SNX14: variants seen among roughly 807,000 people sequenced by gnomAD.
SNX14 encodes sorting nexin-14.
A neutral mutation model predicts 133.8 loss-of-function variants in SNX14; 93 were observed. The observed-to-expected ratio is 0.70, with a 90% confidence interval of 0.59 to 0.83. The LOEUF is 0.83. Among genes scored for constraint, SNX14 ranks in the 40% least tolerant of loss-of-function variants. The probability of loss-of-function intolerance (pLI) is 0.00; values close to 1 mark genes in which losing one functional copy is unlikely to be tolerated. For missense variants in SNX14, 945 were observed against 1,094.9 expected (o/e 0.86, Z 1.93); for synonymous variants, 368 against 365.6 (o/e 1.01, Z -0.07).
intron 14 of SNX14, among the ~76,000 whole-genome samples, chr6:85,542,811 G>A (rs1412812050): frequency 6.6e-6 from 1 of 152,116 alleles, no homozygotes; most frequent in Non-Finnish European, 1.5e-5. Flanking sequence ...TATGGCCCAG[G>A]CTTGAGTTGT....
intron 21 of SNX14, among the ~76,000 whole-genome samples, chr6:85,522,472 A>C (rs1029443748): frequency 5.3e-5 from 8 of 152,180 alleles, no homozygotes; most frequent in African/African-American, 1.9e-4. Flanking sequence ...CTTGGGGATA[A>C]ATTTACATCT....
intron 7 of SNX14, among the ~76,000 whole-genome samples, chr6:85,551,063 G>C (rs1003499209): frequency 6.6e-6 from 1 of 152,190 alleles, no homozygotes; most frequent in East Asian, 1.9e-4. Context: ...TTACAGGCAT[G>C]AGCCACTGCG....
intron 6 of SNX14, among the ~76,000 whole-genome samples, chr6:85,559,894 C>T (rs567046749): frequency 6.6e-6 from 1 of 152,216 alleles, no homozygotes; most frequent in East Asian, 1.9e-4. Context: ...TAAAAGTTCT[C>T]AACATTATTG....
chr6:85,540,685 A>T (rs1365660741), intron 15 of SNX14, among the ~76,000 whole-genome samples: 1 of 152,214 alleles, frequency 6.6e-6, no homozygotes, highest in Non-Finnish European at 1.5e-5. Flanking sequence ...ATTCAAAAAA[A>T]CATCTATTCC....
At position 85,538,155 on chromosome 6, in the gene SNX14, T is replaced by C. The variant is rs550329256; in HGVS notation, c.1475+683A>G. ...ACACCAATATGTAGTAATGTGTATTTTACACACATCCAAGAAGTAAATCAA... is the reference window on the plus strand; with the variant it reads ...ACACCAATATGTAGTAATGTGTATTCTACACACATCCAAGAAGTAAATCAA... On this transcript the variant is annotated intron_variant, in intron 16 of 28. Coordinates refer to ENST00000314673, the MANE Select transcript of SNX14 (RefSeq NM_153816.6). Among the ~76,000 whole-genome samples, 190 of 152,272 alleles carry C rather than the reference T, an allele frequency of 1.2e-3. 1 individual carries two copies. Among genetic ancestry groups the C allele is most frequent in the African/African-American group, 4.2e-3 (176 of 41,576 alleles).
At position 85,567,568 on chromosome 6, in the gene SNX14, AT is replaced by A. The variant is rs1231495321; in HGVS notation, c.426del (p.Glu142AspfsTer2). The part of the protein sequence containing the change: ...KVDASLSEVL[E>X]LVLENFVYPW... ...GGATAAACAAAGTTTTCCAACACTA[AT>A]TCAAGAACCTGCATAAACAATTATT... is the stretch of plus-strand genomic sequence containing the variant. On this transcript the variant is annotated frameshift_variant, in exon 5 of 29. Transcript: ENST00000314673. LOFTEE classifies it high-confidence loss of function. 1.3e-6 allele frequency: 2 copies of A among 1,509,934 alleles called. No homozygotes were observed. Among genetic ancestry groups the A allele is most frequent in the African/African-American group, 2.9e-5 (2 of 67,836 alleles). 93.5% of individuals were successfully genotyped at this position (1,509,934 alleles called of 1,614,324 possible). A position where few individuals can be genotyped will look rare whatever the true frequency, so the allele number is the denominator to read the frequency against.
rs1803775232 is a variant in SNX14 at position 85,593,741 on chromosome 6, C to A, written c.-23G>T. On this transcript the variant is annotated 5_prime_UTR_variant, in exon 1 of 29. Transcript: ENST00000314673. The stretch of plus-strand genomic sequence containing the variant: ...CATCTCCGTAACGGCGAGGCCGAGA[C>A]TGCGCTACTGGCTGAGGCAGAGGTC... The A allele has an allele frequency of 2.5e-6, 4 of 1,613,050 alleles. No individual in the cohort carries two copies. The African/African-American group carries it at 5.3e-5, about 21-fold the overall frequency.
chr6:85,543,525 G>T, intron 13 of SNX14, 80 bp downstream of exon 13: 1 of 1,197,242 alleles, frequency 8.4e-7, no homozygotes, highest in Non-Finnish European at 1.2e-6. Flanking sequence ...ACTGCAGCTA[G>T]CCACTGCAAT....
chr6:85,584,318 C>G (rs1051956814), intron 1 of SNX14, among the ~76,000 whole-genome samples: 1 of 152,148 alleles, frequency 6.6e-6, no homozygotes, highest in Admixed American at 6.6e-5. Context: ...CTAGGCAATA[C>G]CATTTAGGAC....
At chr6:85,515,319 A>G (rs1161325241) in intron 23 of SNX14, among the ~76,000 whole-genome samples, 1 of 151,002 alleles carries the variant, frequency 6.6e-6, no homozygotes, top group Non-Finnish European at 1.5e-5. Context: ...ATAAATCACT[A>G]TAAGTAGAGG....
At chr6:85,541,201 C>T (rs1427748304) in intron 15 of SNX14, among the ~76,000 whole-genome samples, 1 of 152,060 alleles carries the variant, frequency 6.6e-6, no homozygotes, top group Non-Finnish European at 1.5e-5. Flanking sequence ...CCACGTTGGC[C>T]AGACTGGTCT....
At chr6:85,567,801 G>A (rs1041208929) in intron 4 of SNX14, 1 of 307,736 alleles carries the variant, frequency 3.2e-6, no homozygotes, top group Non-Finnish European at 6.1e-6. Context: ...TGGGTAACAT[G>A]ATGAAACCCT....
chr6:85,539,352 T>A (rs1782892340), intron 15 of SNX14, among the ~76,000 whole-genome samples: 1 of 152,194 alleles, frequency 6.6e-6, no homozygotes, highest in Non-Finnish European at 1.5e-5. Context: ...CTTGTGTTCA[T>A]GTTAGACAGA....
intron 12 of SNX14, among the ~76,000 whole-genome samples, chr6:85,546,619 A>G (rs1365458066): frequency 2.0e-5 from 3 of 151,954 alleles, no homozygotes; most frequent in African/African-American, 7.3e-5. Flanking sequence ...ATTATTTCCC[A>G]ATCTGGAAAG....
intron 6 of SNX14, among the ~76,000 whole-genome samples, chr6:85,559,070 A>G (rs1363261565): frequency 3.3e-5 from 5 of 152,196 alleles, no homozygotes; most frequent in Non-Finnish European, 5.9e-5. Flanking sequence ...AGAAAATTCC[A>G]TCACAACAGT....
chr6:85,547,088 G>T (rs376521139), intron 12 of SNX14, 24 bp downstream of exon 12: 2 of 1,556,728 alleles, frequency 1.3e-6, no homozygotes, highest in Non-Finnish European at 1.8e-6. Context: ...AATTACTTTC[G>T]TAAAATACAC....
Position 85,542,029 on chromosome 6 carries a change from A to T in SNX14, c.1404T>A (p.Leu468=). ...GTGTTGGTGATTCTGCACCTCTTAA[A>T]AGTTGTCTGAAATACTTTAAAATAA... is the stretch of plus-strand genomic sequence containing the variant. ...FCHSDEYFRQ[L]LRGAESPTRN... The change falls in exon 15 of 29, where the codon CTT becomes CTA. Residue 468 remains leucine, a synonymous_variant. Coordinates refer to ENST00000314673, the MANE Select transcript of SNX14 (RefSeq NM_153816.6). 6.3e-7 allele frequency: 1 copy of T among 1,584,658 alleles called. No individual in the cohort carries two copies. The highest frequency in any genetic ancestry group is 8.6e-7 in the Non-Finnish European group (1 of 1,165,824).
In SNX14 at chr6:85,547,147, CCTT is replaced by C. The variant is rs1349376756; in HGVS notation, c.1070_1072del (p.Glu357del). The stretch of plus-strand genomic sequence containing the variant: ...ACAAAACTGCAACACGTGCACTGCG[CCTT>C]CTTGTTTCAGAAAGTTCATAAAACG... On this transcript the variant is annotated inframe_deletion, in exon 12 of 29. Transcript: ENST00000314673. 1.2e-6 allele frequency: 2 copies of C among 1,613,992 alleles called. No homozygotes were observed. Among genetic ancestry groups the C allele is most frequent in the South Asian group, 1.1e-5 (1 of 91,082 alleles).
chr6:85,546,239 A>G (rs531826555), intron 12 of SNX14, among the ~76,000 whole-genome samples: 1 of 152,352 alleles, frequency 6.6e-6, no homozygotes, highest in Non-Finnish European at 1.5e-5. Context: ...ATCTTGATAA[A>G]GATGCAGGTT....
Sources: allele counts gnomAD v4.1 joint callset (sites outside exome capture counted in the v4.1 genomes callset), GRCh38; gene constraint gnomAD v4.1.1; transcripts MANE v1.5; gene names NCBI Gene and HGNC (gene_info 2026-07-23, HGNC 2026-07-21).